Variants in LRRC61 observed in about 807,000 individuals in gnomAD.
LRRC61 encodes leucine rich repeat containing 61, also known as leucine-rich repeat-containing protein 61.
A neutral mutation model predicts 15.1 loss-of-function variants in LRRC61; 9 were observed. That is an observed-to-expected ratio of 0.60 (90% CI 0.36 to 1.04). LRRC61 has a LOEUF of 1.04. LRRC61 is among the 50% of genes least tolerant of loss of function. LRRC61 has a pLI of 0.01. For missense variants in LRRC61, 344 were observed against 335.6 expected, an observed-to-expected ratio of 1.03 and a Z score of -0.20; for synonymous variants, 173 against 158.6, an observed-to-expected ratio of 1.09 and a Z score of -0.68.
chr7:150,323,471 G>T lies in LRRC61; in HGVS notation c.-404G>T. ...GGCGGCGGGGCTGCGGCTCTTACCTGCCGAGGAGGCGCCGGCTCTGCGGTG... is the reference window on the plus strand; with the variant it reads ...GGCGGCGGGGCTGCGGCTCTTACCTTCCGAGGAGGCGCCGGCTCTGCGGTG... On this transcript the variant is annotated 5_prime_UTR_variant, in exon 1 of 3. Coordinates refer to ENST00000359623, the MANE Select transcript of LRRC61 (RefSeq NM_001142928.2). 2.5e-6 allele frequency: 1 copy of T among 405,904 alleles called. No individual in the cohort carries two copies. The highest frequency in any genetic ancestry group is 2.9e-5 in the Admixed American group (1 of 34,762). The allele number at this position is 405,904 out of a possible 1,614,324, so 25.1% of individuals were successfully genotyped here. A position where few individuals can be genotyped will look rare whatever the true frequency, so the allele number is the denominator to read the frequency against.
chr7:150,314,265 C>T, the LRRC61 span, among the ~76,000 whole-genome samples: 1 of 152,192 alleles, frequency 6.6e-6, no homozygotes, highest in Non-Finnish European at 1.5e-5. Context: ...AGCCTTGTTC[C>T]TGGATTTAAC....
chr7:150,320,309 G>T (rs1797370664), upstream of LRRC61, among the ~76,000 whole-genome samples: 1 of 152,230 alleles, frequency 6.6e-6, no homozygotes, highest in African/African-American at 2.4e-5. Flanking sequence ...ATGCTTGTTT[G>T]TGTAGGATAT....
At chr7:150,328,631 T>C (rs56190213) in intron 2 of LRRC61, 28,304 of 152,258 alleles carry the variant, frequency 0.19, 3,381 homozygotes, top group East Asian at 0.29. Flanking sequence ...CCTTTTCTCC[T>C]TAGTTACCGT....
rs933748792 is a variant in LRRC61, at chr7:150,323,358, C to G, written c.-517C>G. ...AGGCCCCCTGGGCGCGTTCCGGGAG[C>G]TCAGGCCTGCGGCGCTGGGAGAAGC... On this transcript the variant is annotated 5_prime_UTR_variant, in exon 1 of 3. Coordinates refer to ENST00000359623, the MANE Select transcript of LRRC61 (RefSeq NM_001142928.2). The G allele has an allele frequency of 7.0e-6, 2 of 283,824 alleles. No homozygotes were observed. The highest frequency in any genetic ancestry group is 1.4e-5 in the Non-Finnish European group (2 of 145,798). 17.6% of individuals were successfully genotyped at this position (283,824 alleles called of 1,614,324 possible). A position where few individuals can be genotyped will look rare whatever the true frequency, so the allele number is the denominator to read the frequency against.
chr7:150,332,972 G>T (rs774866422), intron 2 of LRRC61, among the ~76,000 whole-genome samples: 1 of 152,194 alleles, frequency 6.6e-6, no homozygotes, highest in Non-Finnish European at 1.5e-5. Context: ...TCACATGTCG[G>T]GGCGGGGAGG....
At chr7:150,310,099 G>A in the LRRC61 span, among the ~76,000 whole-genome samples, 1 of 152,132 alleles carries the variant, frequency 6.6e-6, no homozygotes, top group Non-Finnish European at 1.5e-5. Flanking sequence ...CACCTGCCCA[G>A]TTCCCTTATT....
Position 150,337,691 on chromosome 7 carries a change from G to T in LRRC61, c.*50G>T. ...CTGGCAGGTGGCCTCGCTGCCCCCA[G>T]TTCCCCTCTCTGCCCCCACACTCGT... On this transcript the variant is annotated 3_prime_UTR_variant, in exon 3 of 3. Coordinates refer to ENST00000359623, the MANE Select transcript of LRRC61 (RefSeq NM_001142928.2). 3 of 1,501,876 alleles carry T rather than the reference G, an allele frequency of 2.0e-6. No individual in the cohort carries two copies. Among genetic ancestry groups the T allele is most frequent in the South Asian group, 2.7e-5 (2 of 73,804 alleles). 93.0% of individuals were successfully genotyped at this position (1,501,876 alleles called of 1,614,324 possible).
chr7:150,327,453 G>A (rs1797985590), intron 2 of LRRC61, among the ~76,000 whole-genome samples: 1 of 152,096 alleles, frequency 6.6e-6, no homozygotes, highest in South Asian at 2.1e-4. Context: ...TAAAGCTTTG[G>A]TTTCTAGCAG....
rs1414161518 is a variant in LRRC61 at position 150,335,134 on chromosome 7, G to A, written c.-144-1584G>A. Among the ~76,000 whole-genome samples the A allele has an allele frequency of 6.6e-6, 1 of 151,476 alleles. No individual in the cohort carries two copies. The highest frequency in any genetic ancestry group is 6.6e-5 in the Admixed American group (1 of 15,172). On this transcript the variant is annotated intron_variant, in intron 2 of 2. Transcript: ENST00000359623. The surrounding 1 kb of genome is among the most constrained non-coding windows in gnomAD (Gnocchi z 4.3). ...TTTTTCCTCCTCCCCATTGCTTCCT[G>A]CCCTCCTTAGGGCCTGTATCTTTTG...
chr7:150,329,962 G>A (rs967078316), intron 2 of LRRC61: 9 of 169,866 alleles, frequency 5.3e-5, no homozygotes, highest in African/African-American at 7.2e-5. Context: ...TGGCTGGGCC[G>A]TAGCTTCCTG....
At position 150,336,672 on chromosome 7, in the gene LRRC61, G is replaced by A. The variant is rs141414304; in HGVS notation, c.-144-46G>A. The A allele has an allele frequency of 7.8e-4, 552 of 707,184 alleles. 2 individuals are homozygous for A. The African/African-American group carries it at 8.8e-3, about 11-fold the overall frequency. 43.8% of individuals were successfully genotyped at this position (707,184 alleles called of 1,614,324 possible). A position where few individuals can be genotyped will look rare whatever the true frequency, so the allele number is the denominator to read the frequency against. ...CAGACTCCCTGCCGTCACCTGCTGCGTAAGACACAGAAAGTGCTGCCTGCT... is the reference window on the plus strand; with the variant it reads ...CAGACTCCCTGCCGTCACCTGCTGCATAAGACACAGAAAGTGCTGCCTGCT... On this transcript the variant is annotated intron_variant, in intron 2 of 2. Transcript: ENST00000359623.
chr7:150,331,432 A>C, intron 2 of LRRC61: 2 of 287,056 alleles, frequency 7.0e-6, no homozygotes, highest in East Asian at 6.7e-5. Flanking sequence ...CATGGCCAGA[A>C]TCTTAAACCT....
the LRRC61 span, among the ~76,000 whole-genome samples, chr7:150,316,720 G>A: frequency 2.0e-5 from 3 of 151,944 alleles, no homozygotes; most frequent in Non-Finnish European, 2.9e-5. Flanking sequence ...TCTTGACCTC[G>A]TGATCTGCCC....
In LRRC61 at chr7:150,337,807, C is replaced by T; in HGVS notation, c.*166C>T. The T allele has an allele frequency of 5.4e-6, 4 of 742,418 alleles. No homozygotes were observed. The highest frequency in any genetic ancestry group is 2.1e-5 in the South Asian group (1 of 46,806). 46.0% of individuals were successfully genotyped at this position (742,418 alleles called of 1,614,324 possible). ...GCAGCCCCTCCCCACCATCCCTCCA[C>T]ATGCTGCAAGGACAGACTGAAGGGC... On this transcript the variant is annotated 3_prime_UTR_variant, in exon 3 of 3. Coordinates refer to ENST00000359623, the MANE Select transcript of LRRC61 (RefSeq NM_001142928.2).
At chr7:150,323,972 AT>A (rs529575819) in intron 1 of LRRC61, among the ~76,000 whole-genome samples, 1 of 152,132 alleles carries the variant, frequency 6.6e-6, no homozygotes, top group African/African-American at 2.4e-5. Flanking sequence ...ACTTTGTGTC[AT>A]TTTTTTTGCA....
upstream of LRRC61, chr7:150,322,987 G>A (rs1488590373): frequency 6.5e-6 from 1 of 152,690 alleles, no homozygotes; most frequent in African/African-American, 2.4e-5. Context: ...GCACAGCGCC[G>A]GCGTGCAGGG....
At chr7:150,334,215 A>G (rs1798209097) in intron 2 of LRRC61, 1 of 693,090 alleles carries the variant, frequency 1.4e-6, no homozygotes, top group South Asian at 6.4e-5. Flanking sequence ...TAACCTCTGC[A>G]GTCCCACTGT....
chr7:150,329,377 G>A (rs567117283), intron 2 of LRRC61, among the ~76,000 whole-genome samples: 5 of 152,236 alleles, frequency 3.3e-5, no homozygotes, highest in Admixed American at 6.5e-5. Context: ...GTGGGCACCC[G>A]GGAGACGGGG....
Position 150,337,205 on chromosome 7 carries a change from TGC to T in LRRC61, c.345_346del (p.Gln116ValfsTer47), listed in dbSNP as rs750104213. 18 of 1,606,102 alleles carry T rather than the reference TGC, an allele frequency of 1.1e-5. No homozygotes were observed. Among genetic ancestry groups the T allele is most frequent in the Admixed American group, 1.7e-5 (1 of 60,002 alleles). ...AACCTACTGGCCACCCCGGGCCAGC[TGC>T]AGTGTCTGGCTGGGCTACCGTGCCT... On this transcript the variant is annotated frameshift_variant, in exon 3 of 3. Transcript: ENST00000359623. LOFTEE classifies it high-confidence loss of function.
Sources: allele counts gnomAD v4.1 joint callset (sites outside exome capture counted in the v4.1 genomes callset), GRCh38; gene constraint gnomAD v4.1.1; non-coding constraint Gnocchi (gnomAD v3.1); transcripts MANE v1.5; gene names NCBI Gene and HGNC (gene_info 2026-07-23, HGNC 2026-07-21).